The following RDH12 variants were observed in gnomAD, a reference collection of about 807,000 sequenced individuals.
RDH12 encodes retinol dehydrogenase 12.
RDH12 carries 21 observed loss-of-function variants against 34.0 expected under a neutral mutation model. The observed-to-expected ratio is 0.62, with a 90% CI of 0.44 to 0.89. The LOEUF (loss-of-function observed/expected upper bound fraction) is 0.89. Among genes scored for constraint, RDH12 ranks in the 40% least tolerant of loss-of-function variants. RDH12 has a pLI of 0.00. For synonymous variants in RDH12, 198 were observed against 169.9 expected (o/e 1.17, Z -1.29); for missense variants, 394 against 398.6 (o/e 0.99, Z 0.10).
Position 67,729,255 on chromosome 14 carries a change from C to T in RDH12, c.723C>T (p.Ser241=). ...GVVRSELVRH[S]SLLCLLWRLF... Reference sequence around the variant, plus strand: ...TCCGCTCTGAGCTGGTCCGGCACTCCTCCCTGCTCTGCCTGCTCTGGCGGC... The same window carrying T: ...TCCGCTCTGAGCTGGTCCGGCACTCTTCCCTGCTCTGCCTGCTCTGGCGGC... The change falls in exon 8 of 9, where the codon TCC becomes TCT. Residue 241 remains serine, a synonymous_variant. Coordinates refer to ENST00000551171, the MANE Select transcript of RDH12 (RefSeq NM_152443.3). The T allele has an allele frequency of 6.2e-7, 1 of 1,609,256 alleles. No individual in the cohort carries two copies. The highest frequency in any genetic ancestry group is 8.5e-7 in the Non-Finnish European group (1 of 1,179,996).
At chr14:67,726,769 T>G (rs751126657) in intron 6 of RDH12, among the ~76,000 whole-genome samples, 21 of 152,160 alleles carry the variant, frequency 1.4e-4, no homozygotes, top group South Asian at 8.3e-4. Context: ...GTAATATAAT[T>G]AAGTATGATT....
intron 7 of RDH12, 86 bp from the exon 8 acceptor site, chr14:67,729,105 T>C (rs1685932751): frequency 7.3e-7 from 1 of 1,361,846 alleles, no homozygotes; most frequent in Non-Finnish European, 1.0e-6. Flanking sequence ...TCCCTCCTTC[T>C]CACTTGTGTA....
chr14:67,704,810 A>C (rs1228875317), intron 1 of RDH12, among the ~76,000 whole-genome samples: 7 of 152,234 alleles, frequency 4.6e-5, no homozygotes, highest in Non-Finnish European at 1.0e-4. Flanking sequence ...TGAGACAGTC[A>C]TTGTACCACG....
At chr14:67,725,570 A>G (rs908000441) in intron 5 of RDH12, among the ~76,000 whole-genome samples, 1 of 152,216 alleles carries the variant, frequency 6.6e-6, no homozygotes, top group African/African-American at 2.4e-5. Context: ...TTGTGTGGCC[A>G]TAGGCATGAG....
At chr14:67,720,695 T>G (rs1270483388) in intron 1 of RDH12, 153 bp from the exon 2 acceptor site, 1 of 152,262 alleles carries the variant, frequency 6.6e-6, no homozygotes, top group African/African-American at 2.4e-5. Flanking sequence ...CACCTACCTG[T>G]ACTTAGTAGT....
chr14:67,729,714 A>G, intron 8 of RDH12: 1 of 534,238 alleles, frequency 1.9e-6, no homozygotes. Flanking sequence ...CTTTTGGCTC[A>G]CTTGATTCAT....
At chr14:67,706,428 G>T (rs2037951139) in intron 1 of RDH12, among the ~76,000 whole-genome samples, 1 of 152,268 alleles carries the variant, frequency 6.6e-6, no homozygotes, top group South Asian at 2.1e-4. Context: ...TGTCCAAGGT[G>T]GTCAGAACAC....
chr14:67,720,900 A>C lies in RDH12; in HGVS notation c.-222A>C, dbSNP rs181813488. On this transcript the variant is annotated splice_region_variant and 5_prime_UTR_variant, in exon 2 of 9. Transcript: ENST00000551171. ...TCTGCTTCCTGGACAAGCTCAAGCT[A>C]AGGTGAGTACCATCTTCTTAAATGC... 4.2e-4 allele frequency: 64 copies of C among 152,384 alleles called. No homozygotes were observed. The highest frequency in any genetic ancestry group is 1.5e-3 in the African/African-American group (62 of 41,592). 9.4% of individuals were successfully genotyped at this position (152,384 alleles called of 1,614,324 possible).
intron 1 of RDH12, among the ~76,000 whole-genome samples, chr14:67,710,326 A>T (rs2037996247): frequency 6.6e-6 from 1 of 152,338 alleles, no homozygotes; most frequent in Admixed American, 6.5e-5. Flanking sequence ...ACCTTAATTT[A>T]AAAAAAGTTT....
rs780024438 is a variant in RDH12 at position 67,725,920 on chromosome 14, T to G, written c.344-131T>G. On this transcript the variant is annotated intron_variant, in intron 5 of 8. Transcript: ENST00000551171. ...TTTTAAAAGGAAGGGGCAGAGCAAG[T>G]GACTCCTATCAAAATGTTACCCCAA... 15 of 752,248 alleles carry G rather than the reference T, an allele frequency of 2.0e-5. No homozygotes were observed. The African/African-American group carries it at 2.6e-4, about 13-fold the overall frequency. 46.6% of individuals were successfully genotyped at this position (752,248 alleles called of 1,614,324 possible).
chr14:67,730,297 G>A (rs1338637397), intron 8 of RDH12, among the ~76,000 whole-genome samples: 1 of 152,140 alleles, frequency 6.6e-6, no homozygotes, highest in Non-Finnish European at 1.5e-5. Flanking sequence ...CATTCAGTAT[G>A]GTAGCCACTA....
At chr14:67,728,382 G>C (rs1027216802) in intron 7 of RDH12, among the ~76,000 whole-genome samples, 3 of 152,152 alleles carry the variant, frequency 2.0e-5, no homozygotes, top group African/African-American at 7.2e-5. Flanking sequence ...AATATGAAAA[G>C]ACAGGCACTG....
At chr14:67,730,936 T>C (rs1254083139) in intron 8 of RDH12, among the ~76,000 whole-genome samples, 4 of 152,032 alleles carry the variant, frequency 2.6e-5, no homozygotes, top group Non-Finnish European at 5.9e-5. Context: ...GCTCAACCTA[T>C]AGTATAAAAA....
intron 1 of RDH12, among the ~76,000 whole-genome samples, chr14:67,712,319 T>C (rs1191468183): frequency 1.3e-5 from 2 of 152,122 alleles, no homozygotes; most frequent in African/African-American, 4.8e-5. Flanking sequence ...GGTTAAACCA[T>C]GTGATGCTTT....
intron 8 of RDH12, 175 bp downstream of exon 8, chr14:67,729,555 T>G (rs528933318): frequency 8.7e-6 from 6 of 690,926 alleles, no homozygotes; most frequent in South Asian, 1.6e-5. Flanking sequence ...TACAAACTTA[T>G]GTGTTGGGAA....
intron 3 of RDH12, among the ~76,000 whole-genome samples, chr14:67,723,062 C>T (rs1466653332): frequency 6.6e-6 from 1 of 152,216 alleles, no homozygotes; most frequent in African/African-American, 2.4e-5. Flanking sequence ...AACTCGGAGA[C>T]TCTGTCCCTA....
Position 67,733,922 on chromosome 14 carries a change from C to T in RDH12, c.*74C>T. 4 of 1,131,118 alleles carry T rather than the reference C, an allele frequency of 3.5e-6. No homozygotes were observed. Among genetic ancestry groups the T allele is most frequent in the Non-Finnish European group, 5.3e-6 (4 of 752,146 alleles). The allele number at this position is 1,131,118 out of a possible 1,614,324, so 70.1% of individuals were successfully genotyped here. A position where few individuals can be genotyped will look rare whatever the true frequency, so the allele number is the denominator to read the frequency against. On this transcript the variant is annotated 3_prime_UTR_variant, in exon 9 of 9. Coordinates refer to ENST00000551171, the MANE Select transcript of RDH12 (RefSeq NM_152443.3). Reference sequence around the variant, plus strand: ...ACAGGGACCAAGGAGAAGGCCAACCCTAAAGGATTGTCCTCTTGGCCAGCT... The same window carrying T: ...ACAGGGACCAAGGAGAAGGCCAACCTTAAAGGATTGTCCTCTTGGCCAGCT...
At chr14:67,725,276 A>G (rs1489427279) in intron 5 of RDH12, 22 bp downstream of exon 5, 1 of 1,612,162 alleles carries the variant, frequency 6.2e-7, no homozygotes, top group South Asian at 1.1e-5. Context: ...ATGGGTAGGT[A>G]GAAAAGCAGG....
intron 1 of RDH12, among the ~76,000 whole-genome samples, chr14:67,712,493 C>CAAAAAAAAAA (rs79758974): frequency 7.7e-5 from 3 of 38,924 alleles, no homozygotes; most frequent in Non-Finnish European, 1.5e-4. Context: ...AAAAAACTTG[C>CAAAAAAAAAA]AAAAAAAAAA....
Sources: gnomAD v4.1 joint callset for allele counts (sites outside exome capture counted in the v4.1 genomes callset) on GRCh38, gnomAD v4.1.1 for gene constraint, MANE v1.5 for transcripts, NCBI Gene and HGNC (gene_info 2026-07-23, HGNC 2026-07-21) for gene names.